PRDM1: variants seen among roughly 807,000 people sequenced by gnomAD.
PRDM1 encodes the protein PR/SET domain 1.
A neutral mutation model predicts 62.8 loss-of-function variants in PRDM1; 13 were observed. The observed-to-expected ratio is 0.21, with a 90% CI of 0.13 to 0.33. The LOEUF (loss-of-function observed/expected upper bound fraction) is 0.33. Among genes scored for constraint, PRDM1 ranks in the 10% least tolerant of loss-of-function variants. PRDM1 has a pLI of 1.00. For synonymous variants in PRDM1, 396 were observed against 417.6 expected, an observed-to-expected ratio of 0.95 and a Z score of 0.63; for missense variants, 895 against 1,058.8, an observed-to-expected ratio of 0.85 and a Z score of 2.15.
chr6:106,031,196 G>C (rs894378395), intron 1 of PRDM1, among the ~76,000 whole-genome samples: 2 of 152,124 alleles, frequency 1.3e-5, no homozygotes, highest in African/African-American at 4.8e-5. Flanking sequence ...GTGTTATATA[G>C]AGGAAACAAA....
At chr6:106,094,763 C>T (rs972227872) in intron 2 of PRDM1, among the ~76,000 whole-genome samples, 8 of 151,594 alleles carry the variant, frequency 5.3e-5, no homozygotes, top group Admixed American at 1.3e-4. Context: ...ATTAGCTGGG[C>T]GTGATGGTGC....
intron 2 of PRDM1, among the ~76,000 whole-genome samples, chr6:106,091,587 C>T (rs954317083): frequency 2.6e-5 from 4 of 152,084 alleles, no homozygotes; most frequent in Admixed American, 6.6e-5. Flanking sequence ...CAAGACCAGC[C>T]TAGCCAACAT....
chr6:106,032,246 C>T (rs1479644520), intron 1 of PRDM1, among the ~76,000 whole-genome samples: 1 of 152,144 alleles, frequency 6.6e-6, no homozygotes, highest in Non-Finnish European at 1.5e-5. Context: ...TCACTGCAGC[C>T]TCTCTGGGCT....
chr6:106,058,142 A>T (rs1773292639), intron 1 of PRDM1, among the ~76,000 whole-genome samples: 1 of 152,206 alleles, frequency 6.6e-6, no homozygotes. Context: ...GACAGCCTCT[A>T]AGTCAGTTTG....
chr6:106,037,948 T>G (rs74433989), intron 1 of PRDM1, among the ~76,000 whole-genome samples: 3,857 of 151,030 alleles, frequency 0.026, 73 homozygotes, highest in African/African-American at 0.05. Context: ...AGTTGGACAT[T>G]CGAAACAAAT....
At chr6:106,103,189 G>C (rs561509432) in intron 4 of PRDM1, among the ~76,000 whole-genome samples, 2 of 152,042 alleles carry the variant, frequency 1.3e-5, no homozygotes, top group Non-Finnish European at 2.9e-5. Flanking sequence ...GGGGCTTCAG[G>C]CTCGCCCAGG....
chr6:106,005,866 A>C (rs1311554418), intron 1 of PRDM1, among the ~76,000 whole-genome samples: 1 of 152,236 alleles, frequency 6.6e-6, no homozygotes, highest in East Asian at 1.9e-4. Context: ...AGAAATGAGA[A>C]AACTTTACGG....
At chr6:106,043,853 T>C (rs1300572630), upstream of PRDM1, among the ~76,000 whole-genome samples, 3 of 152,214 alleles carry the variant, frequency 2.0e-5, no homozygotes, top group African/African-American at 7.2e-5. Context: ...ATATTTTTAA[T>C]CGAATTAACT....
Position 106,088,284 on chromosome 6 carries a change from G to T in PRDM1, c.126G>T (p.Glu42Asp), listed in dbSNP as rs770298280. 3.1e-6 allele frequency: 5 copies of T among 1,614,146 alleles called. No homozygotes were observed. The East Asian group carries it at 1.1e-4, about 36-fold the overall frequency. The change falls in exon 2 of 7, where the codon GAG becomes GAT. Residue 42 changes from glutamate to aspartate, a missense_variant. Around this residue, in one of 4 missense-constraint regions of PRDM1, gnomAD observed 213 missense variants for 283.9 expected, o/e 0.75. Coordinates refer to ENST00000369096, the MANE Select transcript of PRDM1 (RefSeq NM_001198.4). ...GTKGTMKMDM[E>D]DADMTLWTEA... ...AGGGGACCATGAAAATGGACATGGA[G>T]GATGCGGATATGACTCTGTGGACAG...
intron 1 of PRDM1, among the ~76,000 whole-genome samples, chr6:106,053,956 C>G (rs1383748575): frequency 6.6e-6 from 1 of 151,804 alleles, no homozygotes; most frequent in Non-Finnish European, 1.5e-5. Context: ...AGGTTATGAA[C>G]CACTTGTAAA....
At chr6:106,099,705 T>C (rs1774213855) in intron 4 of PRDM1, 153 bp downstream of exon 4, 4 of 967,762 alleles carry the variant, frequency 4.1e-6, no homozygotes, top group Non-Finnish European at 5.9e-6. Flanking sequence ...AAAAACATTT[T>C]TTGAGTCCCT....
chr6:106,105,736 G>A lies in PRDM1; in HGVS notation c.1576G>A (p.Glu526Lys), dbSNP rs1245299953. 1 of 1,613,990 alleles carries A rather than the reference G, an allele frequency of 6.2e-7. No homozygotes were observed. Among genetic ancestry groups the A allele is most frequent in the Non-Finnish European group, 8.5e-7 (1 of 1,180,040 alleles). The change falls in exon 5 of 7, where the codon GAA becomes AAA. Residue 526 changes from glutamate to lysine, a missense_variant. Physicochemically the swap from Glu to Lys is moderately conservative, Grantham distance 56. Transcript: ENST00000369096. ...SPTAGTAATA[E>K]HVVQPKATSA... ...CACGGCGGGAACAGCCGCCACGGCA[G>A]AACATGTGGTGCAGCCCAAAGCTAC...
intron 1 of PRDM1, among the ~76,000 whole-genome samples, chr6:105,995,462 T>C (rs1772337494): frequency 6.6e-6 from 1 of 152,250 alleles, no homozygotes; most frequent in Admixed American, 6.5e-5. Context: ...GTGTTTTACT[T>C]GGCAGTCATT....
At chr6:106,097,654 T>C (rs967715930) in intron 3 of PRDM1, among the ~76,000 whole-genome samples, 2 of 152,236 alleles carry the variant, frequency 1.3e-5, no homozygotes, top group African/African-American at 4.8e-5. Flanking sequence ...ATTTTACATA[T>C]GCGTTATTTT....
chr6:106,018,682 T>TTA (rs1159017707), intron 1 of PRDM1, among the ~76,000 whole-genome samples: 2 of 152,042 alleles, frequency 1.3e-5, no homozygotes, highest in Admixed American at 6.6e-5. Flanking sequence ...TAGTCTGGGG[T>TTA]TATGGGCTTT....
chr6:106,109,340 A>T lies in PRDM1; in HGVS notation c.*1854A>T, dbSNP rs1177094686. 1 of 232,904 alleles carries T rather than the reference A, an allele frequency of 4.3e-6. No homozygotes were observed. Among genetic ancestry groups the T allele is most frequent in the African/African-American group, 2.2e-5 (1 of 45,310 alleles). The allele number at this position is 232,904 out of a possible 1,614,324, so 14.4% of individuals were successfully genotyped here. On this transcript the variant is annotated 3_prime_UTR_variant, in exon 7 of 7. Coordinates refer to ENST00000369096, the MANE Select transcript of PRDM1 (RefSeq NM_001198.4). Reference sequence around the variant, plus strand: ...ATGATTATGTGGTCACACCCAAGTCACAGAAATAAAAAACTGACTTTACCG... The same window carrying T: ...ATGATTATGTGGTCACACCCAAGTCTCAGAAATAAAAAACTGACTTTACCG...
intron 4 of PRDM1, among the ~76,000 whole-genome samples, chr6:106,100,807 G>A (rs370903345): frequency 2.0e-5 from 3 of 152,102 alleles, no homozygotes; most frequent in Non-Finnish European, 4.4e-5. Flanking sequence ...TGTGTTTGGG[G>A]TCCTTACACA....
rs957704905 is a variant in PRDM1, at chr6:106,092,250, C to T, written c.292-3365C>T. Among the ~76,000 whole-genome samples the T allele has an allele frequency of 1.2e-4, 18 of 152,040 alleles. 1 individual carries two copies. Among genetic ancestry groups the T allele is most frequent in the Admixed American group, 1.0e-3 (16 of 15,268 alleles). On this transcript the variant is annotated intron_variant, in intron 2 of 6. Coordinates refer to ENST00000369096, the MANE Select transcript of PRDM1 (RefSeq NM_001198.4). ...CATTGTGTAAAATTGAAAAGAAGCCCTGTGTTTTGTCCGGAAGCTGTGGAA... is the reference window on the plus strand; with the variant it reads ...CATTGTGTAAAATTGAAAAGAAGCCTTGTGTTTTGTCCGGAAGCTGTGGAA...
At chr6:106,022,473 G>A (rs1687303797) in intron 1 of PRDM1, among the ~76,000 whole-genome samples, 2 of 149,864 alleles carry the variant, frequency 1.3e-5, no homozygotes, top group Admixed American at 1.3e-4. Context: ...TTTTTGCCCA[G>A]GCTGTAGTGC....
Sources: allele counts gnomAD v4.1 joint callset (sites outside exome capture counted in the v4.1 genomes callset), GRCh38; gene constraint gnomAD v4.1.1; regional missense constraint gnomAD v4.1.1; transcripts MANE v1.5; gene names NCBI Gene and HGNC (gene_info 2026-07-23, HGNC 2026-07-21).